The following CAMTA1 variants were observed in gnomAD, a reference collection of about 807,000 sequenced individuals.
CAMTA1 encodes calmodulin-binding transcription activator 1.
CAMTA1 carries 27 observed loss-of-function variants against 170.9 expected under a neutral mutation model. That is an observed-to-expected ratio of 0.16 (90% CI 0.12 to 0.22). The LOEUF is 0.22. CAMTA1 is among the 10% of genes least tolerant of loss of function. The probability of loss-of-function intolerance (pLI) is 1.00; values close to 1 mark genes in which losing one functional copy is unlikely to be tolerated. For missense variants in CAMTA1, 1,619 were observed against 2,217.2 expected, an observed-to-expected ratio of 0.73 and a Z score of 5.42; for synonymous variants, 833 against 891.5, an observed-to-expected ratio of 0.93 and a Z score of 1.17.
chr1:7,341,373 C>T (rs1412822860), intron 5 of CAMTA1, among the ~76,000 whole-genome samples: 1 of 152,236 alleles, frequency 6.6e-6, no homozygotes, highest in Non-Finnish European at 1.5e-5. Flanking sequence ...GCCTGTGCAG[C>T]CTGAGAAGAA....
intron 7 of CAMTA1, among the ~76,000 whole-genome samples, chr1:7,646,059 G>T (rs534453413): frequency 2.0e-4 from 31 of 151,678 alleles, no homozygotes; most frequent in African/African-American, 7.3e-4. Flanking sequence ...GGTGAGTTTG[G>T]TGGGGGCCCT....
intron 3 of CAMTA1, among the ~76,000 whole-genome samples, chr1:7,058,895 ACTCT>A (rs55691655): frequency 1.3e-4 from 19 of 151,176 alleles, no homozygotes; most frequent in African/African-American, 3.6e-4. Context: ...ACACACACAC[ACTCT>A]CTCTCTCTTT....
intron 6 of CAMTA1, among the ~76,000 whole-genome samples, chr1:7,569,027 C>T (rs2095088422): frequency 6.6e-6 from 1 of 150,928 alleles, no homozygotes; most frequent in Non-Finnish European, 1.5e-5. Flanking sequence ...ATATTATTAC[C>T]ATTACCATCA....
intron 3 of CAMTA1, among the ~76,000 whole-genome samples, chr1:6,898,844 C>G (rs1470428440): frequency 6.6e-6 from 1 of 152,226 alleles, no homozygotes; most frequent in Non-Finnish European, 1.5e-5. Context: ...CCTAGCCGAC[C>G]TCCAAACAGG....
intron 3 of CAMTA1, among the ~76,000 whole-genome samples, chr1:6,835,574 G>A (rs1167743877): frequency 6.6e-6 from 1 of 152,184 alleles, no homozygotes; most frequent in East Asian, 1.9e-4. Flanking sequence ...GTAGGTCCTG[G>A]GTGGGGCCTG....
At chr1:6,796,150 T>TC (rs1557562933) in intron 1 of CAMTA1, among the ~76,000 whole-genome samples, 1 of 143,270 alleles carries the variant, frequency 7.0e-6, no homozygotes, top group African/African-American at 2.6e-5. Flanking sequence ...TTTTTTTTTT[T>TC]TTTTTTTTGG....
chr1:7,638,203 G>T (rs1167824326), intron 6 of CAMTA1, among the ~76,000 whole-genome samples: 1 of 152,186 alleles, frequency 6.6e-6, no homozygotes, highest in Admixed American at 6.5e-5. Flanking sequence ...TTGAGTCTCA[G>T]TCTATCAGCT....
At chr1:7,167,257 T>A (rs1165951234) in intron 4 of CAMTA1, among the ~76,000 whole-genome samples, 1 of 152,228 alleles carries the variant, frequency 6.6e-6, no homozygotes, top group Non-Finnish European at 1.5e-5. Flanking sequence ...TATCTAAAAT[T>A]CATTTTGTGT....
At chr1:7,705,013 C>A (rs1311414274) in intron 11 of CAMTA1, among the ~76,000 whole-genome samples, 1 of 137,410 alleles carries the variant, frequency 7.3e-6, no homozygotes, top group Non-Finnish European at 1.6e-5. Flanking sequence ...TGCTCGCGGG[C>A]CGGGGGCGTG....
At chr1:7,316,094 A>G (rs958538024) in intron 5 of CAMTA1, among the ~76,000 whole-genome samples, 1 of 152,118 alleles carries the variant, frequency 6.6e-6, no homozygotes, top group Non-Finnish European at 1.5e-5. Flanking sequence ...GTCAAATCTC[A>G]TGAGAACTCA....
chr1:7,579,705 G>A (rs1165118806), intron 6 of CAMTA1, among the ~76,000 whole-genome samples: 3 of 151,494 alleles, frequency 2.0e-5, no homozygotes, highest in Non-Finnish European at 2.9e-5. Context: ...CACTACAGGC[G>A]CCCACCACCA....
chr1:7,737,929 C>G, intron 15 of CAMTA1, 30 bp from the exon 16 acceptor site: 1 of 1,562,092 alleles, frequency 6.4e-7, no homozygotes, highest in Non-Finnish European at 8.7e-7. Flanking sequence ...TATCTCCTGT[C>G]CTGACTATCC....
intron 5 of CAMTA1, among the ~76,000 whole-genome samples, chr1:7,377,408 A>C (rs748929103): frequency 6.6e-6 from 1 of 152,132 alleles, no homozygotes; most frequent in Non-Finnish European, 1.5e-5. Flanking sequence ...ACTGTTCTCT[A>C]TTCTCAGGCC....
intron 6 of CAMTA1, among the ~76,000 whole-genome samples, chr1:7,569,641 A>G (rs2095100854): frequency 6.6e-6 from 1 of 151,604 alleles, no homozygotes; most frequent in Admixed American, 6.6e-5. Context: ...CATCATGATC[A>G]CTATCACCAT....
intron 4 of CAMTA1, among the ~76,000 whole-genome samples, chr1:7,118,949 G>A (rs998360218): frequency 1.6e-4 from 25 of 152,202 alleles, no homozygotes; most frequent in Admixed American, 2.6e-4. Context: ...CTGAAGAGTA[G>A]CGTGCGGCAT....
intron 3 of CAMTA1, among the ~76,000 whole-genome samples, chr1:7,011,497 G>A (rs1382611833): frequency 2.6e-5 from 4 of 152,170 alleles, no homozygotes; most frequent in Non-Finnish European, 4.4e-5. Flanking sequence ...AGATGCGGAG[G>A]ACCTACCTTG....
chr1:7,477,179 G>A (rs1439070453), intron 6 of CAMTA1, among the ~76,000 whole-genome samples: 1 of 152,210 alleles, frequency 6.6e-6, no homozygotes, highest in Non-Finnish European at 1.5e-5. Context: ...GCGGGCCAGG[G>A]ATAGAAACCC....
In CAMTA1 at chr1:7,656,486, CTG is replaced by C. The variant is rs2095904274; in HGVS notation, c.665-5238_665-5237del. ...TAACCGTAATTACCTCCTTAAAAGT[CTG>C]TTTCCAAATACAGTCACATTGGTGG... On this transcript the variant is annotated intron_variant, in intron 7 of 22. Coordinates refer to ENST00000303635, the MANE Select transcript of CAMTA1 (RefSeq NM_015215.4). 2.0e-5 allele frequency among the ~76,000 whole-genome samples: 3 copies of C among 152,386 alleles called. No individual in the cohort carries two copies. In the South Asian group the frequency reaches 6.2e-4, roughly 32 times the overall value.
intron 3 of CAMTA1, among the ~76,000 whole-genome samples, chr1:6,955,258 G>A (rs1039568262): frequency 2.0e-5 from 3 of 152,086 alleles, no homozygotes; most frequent in African/African-American, 7.2e-5. Context: ...TGATGATGAT[G>A]TCAGCACTGG....
Sources: gnomAD v4.1 joint callset for allele counts (sites outside exome capture counted in the v4.1 genomes callset) on GRCh38, gnomAD v4.1.1 for gene constraint, MANE v1.5 for transcripts, NCBI Gene and HGNC (gene_info 2026-07-23, HGNC 2026-07-21) for gene names.